LRFN2: variants seen among roughly 807,000 people sequenced by gnomAD.
The protein encoded by LRFN2 is leucine-rich repeat and fibronectin type-III domain-containing protein 2.
Under a neutral mutation model 37.3 loss-of-function variants are expected in LRFN2, and 18 were observed. The observed-to-expected ratio is 0.48, with a 90% CI of 0.33 to 0.72. The LOEUF is 0.72. Ranked by LOEUF, LRFN2 falls within the 30% of genes least tolerant of loss-of-function variation. The probability of loss-of-function intolerance (pLI) is 0.02; values close to 1 mark genes in which losing one functional copy is unlikely to be tolerated. For synonymous variants in LRFN2, 556 were observed against 466.6 expected (o/e 1.19, Z -2.47); for missense variants, 1,006 against 1,060.7 (o/e 0.95, Z 0.72).
rs1046472602 is a variant in LRFN2, at chr6:40,503,921, G to T, written c.-18-70790C>A. 2.0e-5 allele frequency among the ~76,000 whole-genome samples: 3 copies of T among 151,840 alleles called. No homozygotes were observed. In the South Asian group the frequency reaches 6.3e-4, roughly 32 times the overall value. On this transcript the variant is annotated intron_variant, in intron 1 of 2. Coordinates refer to ENST00000338305, the MANE Select transcript of LRFN2 (RefSeq NM_020737.3). ...CCTGTGCTGGAAAGATGGGGTGAAG[G>T]CCCATTCAGAAAGGCTGGAGGAGTT...
At chr6:40,500,795 C>T (rs909099262) in intron 1 of LRFN2, among the ~76,000 whole-genome samples, 3 of 152,166 alleles carry the variant, frequency 2.0e-5, no homozygotes, top group African/African-American at 4.8e-5. Context: ...GCCTAGAAGA[C>T]TATGGATGGA....
At chr6:40,509,266 A>G (rs1765627388) in intron 1 of LRFN2, among the ~76,000 whole-genome samples, 1 of 152,250 alleles carries the variant, frequency 6.6e-6, no homozygotes, top group Non-Finnish European at 1.5e-5. Flanking sequence ...GTTCCTGCCC[A>G]TATCCCCCAA....
chr6:40,584,702 C>T (rs1561916874), intron 1 of LRFN2, among the ~76,000 whole-genome samples: 2 of 152,176 alleles, frequency 1.3e-5, no homozygotes, highest in Admixed American at 6.5e-5. Flanking sequence ...AGACCCCACG[C>T]CAGGAGCTTA....
At chr6:40,501,456 C>T (rs1171677088) in intron 1 of LRFN2, among the ~76,000 whole-genome samples, 2 of 151,468 alleles carry the variant, frequency 1.3e-5, no homozygotes, top group Non-Finnish European at 2.9e-5. Context: ...GTACCTGGGA[C>T]TACAGGTGCC....
intron 1 of LRFN2, among the ~76,000 whole-genome samples, chr6:40,540,191 G>T (rs564746194): frequency 6.6e-6 from 1 of 152,162 alleles, no homozygotes. Context: ...GTCCTTGTCA[G>T]GTGCGTGCGG....
intron 1 of LRFN2, among the ~76,000 whole-genome samples, chr6:40,522,217 G>T (rs542555170): frequency 1.2e-4 from 18 of 152,290 alleles, no homozygotes; most frequent in African/African-American, 4.3e-4. Flanking sequence ...TGGGACCGAA[G>T]GCCTACTGAC....
chr6:40,573,020 T>A (rs1767214331), intron 1 of LRFN2, among the ~76,000 whole-genome samples: 2 of 152,226 alleles, frequency 1.3e-5, no homozygotes, highest in Admixed American at 1.3e-4. Context: ...AAACTTCATA[T>A]GAATTTGAAC....
Position 40,542,368 on chromosome 6 carries a change from G to C in LRFN2, c.-19+44573C>G, listed in dbSNP as rs1244142135. On this transcript the variant is annotated intron_variant, in intron 1 of 2. Coordinates refer to ENST00000338305, the MANE Select transcript of LRFN2 (RefSeq NM_020737.3). ...TAAGGATGCAGCCTAAGCAATGCTGGGCAGGAGGAGGAGGGATGAACTCAG... is the reference window on the plus strand; with the variant it reads ...TAAGGATGCAGCCTAAGCAATGCTGCGCAGGAGGAGGAGGGATGAACTCAG... Among the ~76,000 whole-genome samples the C allele has an allele frequency of 2.0e-5, 3 of 152,162 alleles. No homozygotes were observed. In the East Asian group the frequency reaches 5.8e-4, roughly 29 times the overall value.
chr6:40,448,303 C>A (rs1197361948), intron 1 of LRFN2, among the ~76,000 whole-genome samples: 1 of 152,022 alleles, frequency 6.6e-6, no homozygotes, highest in Non-Finnish European at 1.5e-5. Flanking sequence ...TTTGGTGCAC[C>A]CATCAAGCAC....
chr6:40,584,116 T>C lies in LRFN2; in HGVS notation c.-19+2825A>G, dbSNP rs374503969. Among the ~76,000 whole-genome samples, 64 of 152,294 alleles carry C rather than the reference T, an allele frequency of 4.2e-4. No homozygotes were observed. In the South Asian group the frequency reaches 5.8e-3, roughly 14 times the overall value. On this transcript the variant is annotated intron_variant, in intron 1 of 2. Coordinates refer to ENST00000338305, the MANE Select transcript of LRFN2 (RefSeq NM_020737.3). ...CTGGAGCCTTTTAACAATCAGCTTA[T>C]GTCTGATGGCATCAAACCCTCCTGG... is the stretch of plus-strand genomic sequence containing the variant.
chr6:40,444,924 G>T (rs190976874), intron 1 of LRFN2, among the ~76,000 whole-genome samples: 1 of 150,306 alleles, frequency 6.7e-6, no homozygotes, highest in Non-Finnish European at 1.5e-5. Flanking sequence ...ATTACCTCCA[G>T]TCTCCTCCCT....
intron 1 of LRFN2, among the ~76,000 whole-genome samples, chr6:40,574,900 G>T (rs542641924): frequency 6.6e-6 from 1 of 152,270 alleles, no homozygotes; most frequent in Admixed American, 6.5e-5. Context: ...CCAATAAGGG[G>T]CATGCAGACA....
chr6:40,557,922 C>T (rs6905748), intron 1 of LRFN2, among the ~76,000 whole-genome samples: 72,017 of 151,910 alleles, frequency 0.47, 18,088 homozygotes, highest in African/African-American at 0.64. Flanking sequence ...TTTCATTGCA[C>T]GGAAGGCTTT....
At position 40,392,578 on chromosome 6, in the gene LRFN2, T is replaced by C; in HGVS notation, c.1735A>G (p.Thr579Ala). Residue 579 changes from threonine (T) to alanine (A), a missense_variant, in exon 3 of 3, where the codon ACC becomes GCC. Thr to Ala is a moderately conservative substitution (Grantham distance 58). Transcript: ENST00000338305. The surrounding 1 kb of genome is among the most constrained non-coding windows in gnomAD (Gnocchi z 4.7). ...AAAVSNVYSQ[T>A]NGAQPPPPSS... ...GGAGGCGGTGGCTGGGCGCCGTTGG[T>C]CTGCGAGTACACATTGCTCACGGCC... The C allele has an allele frequency of 6.2e-7, 1 of 1,606,966 alleles. No individual in the cohort carries two copies. The highest frequency in any genetic ancestry group is 2.2e-5 in the East Asian group (1 of 44,856).
chr6:40,557,613 A>G lies in LRFN2; in HGVS notation c.-19+29328T>C, dbSNP rs533514863. On this transcript the variant is annotated intron_variant, in intron 1 of 2. Coordinates refer to ENST00000338305, the MANE Select transcript of LRFN2 (RefSeq NM_020737.3). The stretch of plus-strand genomic sequence containing the variant: ...GAGAGTGGGGTGTGCCCAGGGAGAG[A>G]AACTATAGCTGCAGAGATACCACAG... Among the ~76,000 whole-genome samples the G allele has an allele frequency of 3.3e-5, 5 of 152,208 alleles. No homozygotes were observed. In the South Asian group the frequency reaches 8.3e-4, roughly 25 times the overall value.
At chr6:40,489,148 C>G (rs951919109) in intron 1 of LRFN2, among the ~76,000 whole-genome samples, 2 of 152,164 alleles carry the variant, frequency 1.3e-5, no homozygotes. Context: ...GCACACCCCA[C>G]CCTGCCTGCC....
At position 40,391,812 on chromosome 6, in the gene LRFN2, G is replaced by A; in HGVS notation, c.*131C>T. On this transcript the variant is annotated 3_prime_UTR_variant, in exon 3 of 3. Transcript: ENST00000338305. ...TGTTGCGGGGTAGGGGGGGACACGA[G>A]GCCATTGACAGGGAGACGAAACTGT... 4 of 936,736 alleles carry A rather than the reference G, an allele frequency of 4.3e-6. No homozygotes were observed. Among genetic ancestry groups the A allele is most frequent in the Non-Finnish European group, 6.0e-6 (4 of 663,510 alleles). 58.0% of individuals were successfully genotyped at this position (936,736 alleles called of 1,614,324 possible). A position where few individuals can be genotyped will look rare whatever the true frequency, so the allele number is the denominator to read the frequency against.
At chr6:40,585,836 T>C (rs1237364679) in intron 1 of LRFN2, among the ~76,000 whole-genome samples, 1 of 149,470 alleles carries the variant, frequency 6.7e-6, no homozygotes, top group East Asian at 2.0e-4. Flanking sequence ...TACACATGCG[T>C]ACACACACAC....
intron 2 of LRFN2, among the ~76,000 whole-genome samples, chr6:40,401,658 A>T (rs2436722): frequency 0.97 from 148,202 of 152,262 alleles, 72,246 homozygotes; most frequent in East Asian, 1. Context: ...TAGGTATGTG[A>T]GTGAGAGACA....
Sources: gnomAD v4.1 joint callset for allele counts (sites outside exome capture counted in the v4.1 genomes callset) on GRCh38, gnomAD v4.1.1 for gene constraint, Gnocchi (gnomAD v3.1) non-coding constraint, MANE v1.5 for transcripts, NCBI Gene and HGNC (gene_info 2026-07-23, HGNC 2026-07-21) for gene names.